SLCO6A1: variants seen among roughly 807,000 people sequenced by gnomAD.
SLCO6A1 encodes cancer/testis antigen 48.
Under a neutral mutation model 72.7 loss-of-function variants are expected in SLCO6A1, and 65 were observed. The ratio of observed to expected loss-of-function variants is 0.89; its 90% CI spans 0.73 to 1.10. SLCO6A1 has a LOEUF of 1.10. Among genes scored for constraint, SLCO6A1 ranks in the 50% least tolerant of loss-of-function variants. The probability of loss-of-function intolerance (pLI) is 0.00; values close to 1 mark genes in which losing one functional copy is unlikely to be tolerated. For synonymous variants in SLCO6A1, 314 were observed against 298.2 expected (o/e 1.05, Z -0.55); for missense variants, 874 against 872.6 (o/e 1.00, Z -0.02).
intron 4 of SLCO6A1, among the ~76,000 whole-genome samples, chr5:102,463,339 G>A (rs1229136222): frequency 1.3e-5 from 2 of 152,098 alleles, no homozygotes; most frequent in African/African-American, 4.8e-5. Context: ...AAACTAGTAC[G>A]ATCACTATGG....
chr5:102,458,724 T>G (rs1260780006), intron 5 of SLCO6A1, among the ~76,000 whole-genome samples: 1 of 152,198 alleles, frequency 6.6e-6, no homozygotes, highest in Non-Finnish European at 1.5e-5. Flanking sequence ...AGTCCAATAC[T>G]GTAGCCACTA....
chr5:102,414,940 T>TAAA (rs879367988), intron 8 of SLCO6A1, among the ~76,000 whole-genome samples: 4,479 of 143,340 alleles, frequency 0.031, 106 homozygotes, highest in Non-Finnish European at 0.047. Flanking sequence ...AATAAATAAA[T>TAAA]TAATTAATAA....
chr5:102,494,426 T>C (rs912555225), intron 1 of SLCO6A1, among the ~76,000 whole-genome samples: 1 of 152,120 alleles, frequency 6.6e-6, no homozygotes, highest in African/African-American at 2.4e-5. Context: ...ATTAATAAAT[T>C]ATACTTCATC....
At chr5:102,389,359 G>A (rs1367081817) in intron 11 of SLCO6A1, among the ~76,000 whole-genome samples, 1 of 150,732 alleles carries the variant, frequency 6.6e-6, no homozygotes, top group Non-Finnish European at 1.5e-5. Context: ...TGCTGCCTGA[G>A]GGAAACCTCT....
intron 8 of SLCO6A1, among the ~76,000 whole-genome samples, chr5:102,419,432 C>T (rs540141683): frequency 1.2e-4 from 18 of 152,196 alleles, no homozygotes; most frequent in South Asian, 2.1e-4. Flanking sequence ...CCATGCATAC[C>T]TTCAGATGAA....
chr5:102,453,630 G>T (rs974501494), intron 6 of SLCO6A1, among the ~76,000 whole-genome samples: 1 of 152,102 alleles, frequency 6.6e-6, no homozygotes, highest in Non-Finnish European at 1.5e-5. Flanking sequence ...TCTGTCTCTT[G>T]TTTATTACTT....
intron 9 of SLCO6A1, among the ~76,000 whole-genome samples, chr5:102,409,892 T>A (rs1747879330): frequency 6.6e-6 from 1 of 152,170 alleles, no homozygotes. Flanking sequence ...CTCTTGAATA[T>A]TCCAGGGAAT....
chr5:102,482,280 TAAA>T, intron 1 of SLCO6A1, among the ~76,000 whole-genome samples: 1 of 152,066 alleles, frequency 6.6e-6, no homozygotes, highest in African/African-American at 2.4e-5. Flanking sequence ...TATACATATA[TAAA>T]CATATATACA....
chr5:102,429,076 G>A (rs975376173), intron 7 of SLCO6A1, among the ~76,000 whole-genome samples: 4 of 151,958 alleles, frequency 2.6e-5, no homozygotes, highest in African/African-American at 9.7e-5. Context: ...TATGACTGTT[G>A]GCCACATGTC....
intron 7 of SLCO6A1, among the ~76,000 whole-genome samples, chr5:102,433,557 T>C (rs769705529): frequency 3.3e-5 from 5 of 152,218 alleles, no homozygotes; most frequent in Admixed American, 6.5e-5. Context: ...TCCTGGACTG[T>C]GTGGCCTAAC....
At position 102,386,608 on chromosome 5, in the gene SLCO6A1, G is replaced by T. The variant is rs189553718; in HGVS notation, c.2017+2080C>A. ...GAGTATCAGCCTGGTGCCTCAGGCTGCAAGTTCCCAGCCCAGTGCCTAGGG... is the reference window on the plus strand; with the variant it reads ...GAGTATCAGCCTGGTGCCTCAGGCTTCAAGTTCCCAGCCCAGTGCCTAGGG... On this transcript the variant is annotated intron_variant, in intron 12 of 13. Coordinates refer to ENST00000506729, the MANE Select transcript of SLCO6A1 (RefSeq NM_173488.5). 4.1e-3 allele frequency among the ~76,000 whole-genome samples: 629 copies of T among 152,152 alleles called. 9 individuals are homozygous for T. The highest frequency in any genetic ancestry group is 0.015 in the African/African-American group (606 of 41,540).
At chr5:102,455,952 T>C (rs1276224199) in intron 6 of SLCO6A1, among the ~76,000 whole-genome samples, 2 of 152,144 alleles carry the variant, frequency 1.3e-5, no homozygotes, top group Non-Finnish European at 2.9e-5. Flanking sequence ...TGGTACAACA[T>C]ATGCAAATCA....
At chr5:102,471,823 G>A (rs1483472193) in intron 4 of SLCO6A1, among the ~76,000 whole-genome samples, 2 of 151,824 alleles carry the variant, frequency 1.3e-5, no homozygotes, top group African/African-American at 2.4e-5. Flanking sequence ...TAGTAATGTG[G>A]GCAGACTTCA....
At chr5:102,398,241 T>C (rs893599157) in intron 10 of SLCO6A1, among the ~76,000 whole-genome samples, 2 of 152,026 alleles carry the variant, frequency 1.3e-5, no homozygotes, top group African/African-American at 4.8e-5. Flanking sequence ...TGCAGTGGCA[T>C]GGATCTTGGC....
intron 6 of SLCO6A1, among the ~76,000 whole-genome samples, chr5:102,441,592 T>G (rs1239244743): frequency 6.6e-6 from 1 of 152,116 alleles, no homozygotes; most frequent in African/African-American, 2.4e-5. Context: ...ATAAAATTTT[T>G]GCCATAGTAT....
chr5:102,419,127 C>T (rs1323481063), intron 8 of SLCO6A1, among the ~76,000 whole-genome samples: 1 of 152,160 alleles, frequency 6.6e-6, no homozygotes, highest in African/African-American at 2.4e-5. Flanking sequence ...TGCCCCTCCT[C>T]TCCATGGTTT....
intron 1 of SLCO6A1, among the ~76,000 whole-genome samples, chr5:102,495,165 T>C (rs1752852528): frequency 6.6e-6 from 1 of 152,162 alleles, no homozygotes. Flanking sequence ...TATGATTCCA[T>C]GTTTATTAAA....
intron 10 of SLCO6A1, among the ~76,000 whole-genome samples, chr5:102,394,787 C>G (rs1467714159): frequency 6.6e-6 from 1 of 151,842 alleles, no homozygotes. Context: ...TTTATAGTTA[C>G]TTGTATGTGC....
intron 7 of SLCO6A1, among the ~76,000 whole-genome samples, chr5:102,421,120 C>T (rs1181337156): frequency 6.6e-6 from 1 of 152,156 alleles, no homozygotes; most frequent in East Asian, 1.9e-4. Context: ...TTTTGGCAAT[C>T]CACAGATAAG....
Sources: gnomAD v4.1 joint callset for allele counts (sites outside exome capture counted in the v4.1 genomes callset) on GRCh38, gnomAD v4.1.1 for gene constraint, MANE v1.5 for transcripts, NCBI Gene and HGNC (gene_info 2026-07-23, HGNC 2026-07-21) for gene names.